The following SPOCK3 variants were observed in gnomAD, a reference collection of about 807,000 sequenced individuals.
The protein encoded by SPOCK3 is testican-3.
Under a neutral mutation model 56.6 loss-of-function variants are expected in SPOCK3, and 30 were observed. The observed-to-expected ratio is 0.53, with a 90% CI of 0.40 to 0.72. The LOEUF (loss-of-function observed/expected upper bound fraction) is 0.72, where lower values mean the gene tolerates loss of function less well. Ranked by LOEUF, SPOCK3 falls within the 30% of genes least tolerant of loss-of-function variation. The pLI is 0.00. For synonymous variants in SPOCK3, 196 were observed against 183.3 expected (o/e 1.07, Z -0.56); for missense variants, 527 against 530.0 (o/e 0.99, Z 0.06).
chr4:167,162,774 T>A (rs1056449694), intron 2 of SPOCK3, among the ~76,000 whole-genome samples: 3 of 152,050 alleles, frequency 2.0e-5, no homozygotes, highest in African/African-American at 7.2e-5. Context: ...GACTTTTTTT[T>A]ATATGATTTT....
At chr4:167,009,343 G>A (rs149369384) in intron 3 of SPOCK3, among the ~76,000 whole-genome samples, 1,934 of 152,170 alleles carry the variant, frequency 0.013, 20 homozygotes, top group Non-Finnish European at 0.019. Context: ...AATTAAATAA[G>A]AAAGCCCAGC....
chr4:166,992,450 T>C (rs1039533516), intron 4 of SPOCK3, among the ~76,000 whole-genome samples: 1 of 152,148 alleles, frequency 6.6e-6, no homozygotes, highest in Non-Finnish European at 1.5e-5. Flanking sequence ...AATATAGAAA[T>C]AGACTGAATT....
At chr4:167,084,102 T>G (rs1376989648) in intron 2 of SPOCK3, among the ~76,000 whole-genome samples, 1 of 152,114 alleles carries the variant, frequency 6.6e-6, no homozygotes, top group Admixed American at 6.6e-5. Flanking sequence ...TCATGGTTTA[T>G]GAGAATATGT....
intron 7 of SPOCK3, among the ~76,000 whole-genome samples, chr4:166,765,642 T>C (rs1311328806): frequency 6.6e-6 from 1 of 152,246 alleles, no homozygotes; most frequent in East Asian, 1.9e-4. Flanking sequence ...CTTTGTTCTT[T>C]TGGCTTAGGA....
chr4:167,007,797 T>C (rs1210730471), intron 3 of SPOCK3, among the ~76,000 whole-genome samples: 1 of 152,206 alleles, frequency 6.6e-6, no homozygotes, highest in Non-Finnish European at 1.5e-5. Context: ...CTGATGATGC[T>C]TTTGTCAACA....
At chr4:166,835,273 G>C (rs1179201365) in intron 6 of SPOCK3, among the ~76,000 whole-genome samples, 1 of 152,034 alleles carries the variant, frequency 6.6e-6, no homozygotes, top group Non-Finnish European at 1.5e-5. Context: ...ATATTATAAT[G>C]TTCAAAAAAC....
At chr4:167,063,953 T>C (rs893610828) in intron 2 of SPOCK3, among the ~76,000 whole-genome samples, 26 of 151,908 alleles carry the variant, frequency 1.7e-4, no homozygotes, top group Admixed American at 5.3e-4. Flanking sequence ...TTCTGAATAG[T>C]GCTGTGATAA....
intron 4 of SPOCK3, among the ~76,000 whole-genome samples, chr4:166,963,624 T>C (rs745581608): frequency 1.6e-4 from 25 of 151,762 alleles, no homozygotes; most frequent in Non-Finnish European, 3.5e-4. Context: ...ACTGACACTT[T>C]ATTTCTTTTT....
In SPOCK3 at chr4:167,194,237, T is replaced by C. The variant is rs565971117; in HGVS notation, c.189+39748A>G. On this transcript the variant is annotated intron_variant, in intron 2 of 10. Coordinates refer to ENST00000357545, the MANE Select transcript of SPOCK3 (RefSeq NM_001040159.2). ...CTTCTGTCATTGTATTTTTCAATTC[T>C]AGAATTTATGTTTGGTTCTTTCTTA... Among the ~76,000 whole-genome samples the C allele has an allele frequency of 2.2e-3, 312 of 142,216 alleles. 47 individuals carry two copies. Among genetic ancestry groups the C allele is most frequent in the African/African-American group, 7.7e-3 (283 of 36,778 alleles). The allele number at this position is 142,216 out of a possible 152,430, so 93.3% of individuals were successfully genotyped here.
chr4:166,945,496 C>T (rs1024040594), intron 4 of SPOCK3, among the ~76,000 whole-genome samples: 12 of 152,114 alleles, frequency 7.9e-5, no homozygotes, highest in African/African-American at 1.2e-4. Flanking sequence ...ATTCCCTTGA[C>T]GTAATCAGTT....
intron 4 of SPOCK3, among the ~76,000 whole-genome samples, chr4:166,954,611 T>C (rs187493940): frequency 6.6e-6 from 1 of 152,332 alleles, no homozygotes; most frequent in African/African-American, 2.4e-5. Flanking sequence ...ATCAGTTGGC[T>C]GTATATGTGT....
intron 8 of SPOCK3, among the ~76,000 whole-genome samples, chr4:166,743,792 C>T (rs147701351): frequency 5.6e-4 from 86 of 152,324 alleles, no homozygotes; most frequent in African/African-American, 1.7e-3. Context: ...GCAGATGGCA[C>T]ACCAGGAGAC....
intron 4 of SPOCK3, among the ~76,000 whole-genome samples, chr4:166,934,840 GACAA>G (rs1028482672): frequency 2.1e-4 from 32 of 150,432 alleles, no homozygotes; most frequent in Middle Eastern, 6.8e-3. Flanking sequence ...GTACTTTGAA[GACAA>G]ACAAAGAAGC....
intron 9 of SPOCK3, among the ~76,000 whole-genome samples, chr4:166,739,067 C>T (rs1734551960): frequency 6.6e-6 from 1 of 152,082 alleles, no homozygotes; most frequent in Admixed American, 6.5e-5. Context: ...AATGGTTGAA[C>T]TAGTTTACAG....
At chr4:167,122,637 CAT>C (rs758764354) in intron 2 of SPOCK3, among the ~76,000 whole-genome samples, 149 of 152,246 alleles carry the variant, frequency 9.8e-4, no homozygotes, top group Non-Finnish European at 1.8e-3. Flanking sequence ...ACAACACAGA[CAT>C]ATGTTTATAC....
At chr4:167,085,186 A>C (rs1177162892) in intron 2 of SPOCK3, among the ~76,000 whole-genome samples, 3 of 152,000 alleles carry the variant, frequency 2.0e-5, no homozygotes, top group African/African-American at 7.2e-5. Flanking sequence ...AAAAAAAAAA[A>C]AACACAAATG....
At chr4:166,908,693 C>T (rs1317572793) in intron 5 of SPOCK3, among the ~76,000 whole-genome samples, 1 of 152,038 alleles carries the variant, frequency 6.6e-6, no homozygotes, top group Non-Finnish European at 1.5e-5. Flanking sequence ...TTATATTACA[C>T]ATGTTCTACT....
At chr4:166,841,992 G>C (rs1033939651) in intron 6 of SPOCK3, among the ~76,000 whole-genome samples, 2 of 152,084 alleles carry the variant, frequency 1.3e-5, no homozygotes, top group Non-Finnish European at 1.5e-5. Flanking sequence ...CTGTGGTCTC[G>C]CTGGCTTCAG....
At chr4:166,923,829 A>G (rs1211086373) in intron 4 of SPOCK3, among the ~76,000 whole-genome samples, 1 of 152,218 alleles carries the variant, frequency 6.6e-6, no homozygotes, top group African/African-American at 2.4e-5. Flanking sequence ...TAGACACTAC[A>G]TAACTGTTAA....
Sources: allele counts gnomAD v4.1 joint callset (sites outside exome capture counted in the v4.1 genomes callset), GRCh38; gene constraint gnomAD v4.1.1; transcripts MANE v1.5; gene names NCBI Gene and HGNC (gene_info 2026-07-23, HGNC 2026-07-21).